Variants in PDK3 observed in about 807,000 individuals in gnomAD.
PDK3 encodes pyruvate dehydrogenase kinase, isozyme 3.
In PDK3, 12 loss-of-function variants were observed where a neutral mutation model predicts 32.0. The ratio of observed to expected loss-of-function variants is 0.37; its 90% confidence interval spans 0.24 to 0.61. PDK3 has a LOEUF of 0.61. Ranked by LOEUF, PDK3 falls within the 20% of genes least tolerant of loss-of-function variation. PDK3 has a pLI of 0.65. For missense variants in PDK3, 188 were observed against 316.9 expected (o/e 0.59, Z 3.09); for synonymous variants, 122 against 116.3 (o/e 1.05, Z -0.31).
chrX:24,469,542 C>T lies in PDK3; in HGVS notation c.106+3981C>T, dbSNP rs768259594. Among the ~76,000 whole-genome samples, 5 of 108,316 alleles carry T rather than the reference C, an allele frequency of 4.6e-5. No homozygotes were observed. The South Asian group carries it at 2.0e-3, about 44-fold the overall frequency. 94.1% of individuals were successfully genotyped at this position (108,316 alleles called of 115,157 possible). A position where few individuals can be genotyped will look rare whatever the true frequency, so the allele number is the denominator to read the frequency against. ...CTGTAATTCCAGTGCTTTGAGAGGC[C>T]AAGACAGAGGATGGCTTGAGACCAG... On this transcript the variant is annotated intron_variant, in intron 1 of 10. Coordinates refer to ENST00000379162, the MANE Select transcript of PDK3 (RefSeq NM_005391.5).
exon 12 of PDK3, chrX:24,546,712 C>A (rs1435144518): frequency 9.0e-6 from 1 of 111,712 alleles, no homozygotes; most frequent in Non-Finnish European, 1.9e-5. Flanking sequence ...TCTGTCTGGT[C>A]ATCCCTGGGG....
chrX:24,499,570 TA>T (rs778706252), intron 3 of PDK3, among the ~76,000 whole-genome samples: 1 of 112,061 alleles, frequency 8.9e-6, no homozygotes, highest in East Asian at 2.8e-4. Context: ...TTTCTAAGTA[TA>T]AACTAGTCCA....
intron 10 of PDK3, 61 bp from the exon 11 acceptor site, chrX:24,533,868 T>C (rs1199519611): frequency 9.1e-7 from 1 of 1,103,116 alleles, no homozygotes; most frequent in Non-Finnish European, 1.2e-6. Context: ...TTTGGGTTAC[T>C]ATTTCACTTG....
chrX:24,494,848 ACTTAACCGCC>A lies in PDK3; in HGVS notation c.217_226del (p.Asn73GlnfsTer17). 2 of 1,207,073 alleles carry A rather than the reference ACTTAACCGCC, an allele frequency of 1.7e-6. No homozygotes were observed. Among genetic ancestry groups the A allele is most frequent in the Non-Finnish European group, 2.2e-6 (2 of 892,043 alleles). The stretch of plus-strand genomic sequence containing the variant: ...AAGTTAATCTTCTGCCGGATAATTT[ACTTAACCGCC>A]CTTCAGTGGGATTGGTTCAGAGTTG... On this transcript the variant is annotated frameshift_variant, in exon 2 of 11. Transcript: ENST00000379162. LOFTEE classifies it high-confidence loss of function.
At chrX:24,521,017 AC>A (rs1219690561) in intron 6 of PDK3, among the ~76,000 whole-genome samples, 2 of 111,071 alleles carry the variant, frequency 1.8e-5, no homozygotes, top group African/African-American at 6.5e-5. Context: ...GGTGGCTCAC[AC>A]CTGTAATCCC....
exon 12 of PDK3, among the ~76,000 whole-genome samples, chrX:24,542,577 A>G (rs896497216): frequency 1.8e-5 from 2 of 112,772 alleles, no homozygotes; most frequent in Non-Finnish European, 3.7e-5. Context: ...AATTATCTGT[A>G]GAGCAAGTTA....
Position 24,498,812 on chromosome X carries a change from T to A in PDK3, c.249-17T>A. ...AACATAGTAACTCTTCTTTTTCTTT[T>A]TTTTTTTTCCTTTTAGGTATATGCA... On this transcript the variant is annotated splice_polypyrimidine_tract_variant and intron_variant, in intron 2 of 10. Transcript: ENST00000379162. The A allele has an allele frequency of 9.7e-7, 1 of 1,031,524 alleles. No homozygotes were observed. The highest frequency in any genetic ancestry group is 1.3e-6 in the Non-Finnish European group (1 of 758,479). 85.0% of individuals were successfully genotyped at this position (1,031,524 alleles called of 1,213,427 possible). A position where few individuals can be genotyped will look rare whatever the true frequency, so the allele number is the denominator to read the frequency against.
intron 1 of PDK3, among the ~76,000 whole-genome samples, chrX:24,491,946 C>T (rs1187403211): frequency 9.0e-6 from 1 of 111,352 alleles, no homozygotes; most frequent in African/African-American, 3.3e-5. Flanking sequence ...CAAAAGCAAA[C>T]AAACCCAGAA....
rs758236670 is a variant in PDK3 at position 24,509,503 on chromosome X, C to CA, written c.595+4206dup. On this transcript the variant is annotated intron_variant, in intron 5 of 10. Transcript: ENST00000379162. ...CCTCTTCCCCCAACACACACATACA[C>CA]ATACACATGCACACACACACGCATG... Among the ~76,000 whole-genome samples, 3 of 110,849 alleles carry CA rather than the reference C, an allele frequency of 2.7e-5. No individual in the cohort carries two copies. The East Asian group carries it at 8.5e-4, about 31-fold the overall frequency.
Position 24,483,552 on chromosome X carries a change from G to GA in PDK3, c.107-11189dup, listed in dbSNP as rs764412909. Among the ~76,000 whole-genome samples, 38 of 112,085 alleles carry GA rather than the reference G, an allele frequency of 3.4e-4. 2 individuals are homozygous for GA. Among genetic ancestry groups the GA allele is most frequent in the Non-Finnish European group, 6.2e-4 (33 of 53,259 alleles). On this transcript the variant is annotated intron_variant, in intron 1 of 10. Coordinates refer to ENST00000379162, the MANE Select transcript of PDK3 (RefSeq NM_005391.5). The stretch of plus-strand genomic sequence containing the variant: ...TTTTGGCTCTTCTCATGATTTTAAG[G>GA]ATTGAATACCCTTAAACAAATATAT...
chrX:24,543,336 C>G (rs1162015749), exon 12 of PDK3, among the ~76,000 whole-genome samples: 1 of 111,940 alleles, frequency 8.9e-6, no homozygotes, highest in South Asian at 3.7e-4. Context: ...ATTTTTTTCT[C>G]AAGTCTTATC....
exon 12 of PDK3, among the ~76,000 whole-genome samples, chrX:24,541,356 C>T (rs1160440389): frequency 1.8e-5 from 2 of 111,183 alleles, no homozygotes; most frequent in Non-Finnish European, 3.8e-5. Flanking sequence ...ACTCTGACAG[C>T]GTTTCTCTTG....
intron 10 of PDK3, 146 bp downstream of exon 10, chrX:24,531,916 G>A (rs1922659560): frequency 5.2e-6 from 2 of 383,527 alleles, no homozygotes; most frequent in South Asian, 6.6e-5. Context: ...TATGCCTCAC[G>A]CTTGATTCTA....
chrX:24,507,502 T>C (rs1275803106), intron 5 of PDK3, among the ~76,000 whole-genome samples: 1 of 111,949 alleles, frequency 8.9e-6, no homozygotes, highest in Non-Finnish European at 1.9e-5. Context: ...AATTCACCTA[T>C]ATTGTAGAGT....
chrX:24,506,801 C>CTTTTTTTTTTTTTTTTTTT, intron 5 of PDK3, among the ~76,000 whole-genome samples: 1 of 49,505 alleles, frequency 2.0e-5, no homozygotes, highest in Non-Finnish European at 3.5e-5. Flanking sequence ...TTTTTTCTTT[C>CTTTTTTTTTTTTTTTTTTT]TTTTTTTTTT....
chrX:24,493,522 C>T (rs770235418), intron 1 of PDK3, among the ~76,000 whole-genome samples: 7 of 111,189 alleles, frequency 6.3e-5, no homozygotes, highest in Middle Eastern at 4.6e-3. Context: ...TGGCTCTGCT[C>T]GTCTCTCTCT....
intron 5 of PDK3, chrX:24,513,510 T>C (rs1482938087): frequency 1.4e-5 from 2 of 143,516 alleles, no homozygotes; most frequent in Admixed American, 1.2e-4. Flanking sequence ...GATTCAGGTA[T>C]GGCTCTATGA....
chrX:24,514,341 A>G (rs781372466), intron 5 of PDK3, among the ~76,000 whole-genome samples: 50 of 111,985 alleles, frequency 4.5e-4, no homozygotes, highest in Non-Finnish European at 7.7e-4. Flanking sequence ...TTTGTTAATT[A>G]CTTTATAATC....
At chrX:24,541,094 A>G (rs1420015588) in exon 12 of PDK3, among the ~76,000 whole-genome samples, 1 of 105,944 alleles carries the variant, frequency 9.4e-6, no homozygotes, top group African/African-American at 3.5e-5. Context: ...ATTTTTTTGT[A>G]GAGACGGGGT....
Sources: allele counts gnomAD v4.1 joint callset (sites outside exome capture counted in the v4.1 genomes callset), GRCh38; gene constraint gnomAD v4.1.1; transcripts MANE v1.5; gene names NCBI Gene and HGNC (gene_info 2026-07-23, HGNC 2026-07-21).